The following SH3GL2 variants were observed in gnomAD, a reference collection of about 807,000 sequenced individuals.
SH3GL2 encodes the protein SH3 domain containing GRB2 like 2, endophilin A1.
A neutral mutation model predicts 46.0 loss-of-function variants in SH3GL2; 24 were observed. The ratio of observed to expected loss-of-function variants is 0.52; its 90% CI spans 0.38 to 0.73. SH3GL2 has a LOEUF of 0.73. Ranked by LOEUF, SH3GL2 falls within the 30% of genes least tolerant of loss-of-function variation. SH3GL2 has a pLI of 0.00. For synonymous variants in SH3GL2, 196 were observed against 147.1 expected (o/e 1.33, Z -2.40); for missense variants, 413 against 424.2 (o/e 0.97, Z 0.23).
At chr9:17,646,707 C>T (rs1819827087) in intron 1 of SH3GL2, among the ~76,000 whole-genome samples, 1 of 152,188 alleles carries the variant, frequency 6.6e-6, no homozygotes. Flanking sequence ...GCGGAGTCTG[C>T]AGAACAGCAA....
At chr9:17,656,327 C>G (rs368172866) in intron 1 of SH3GL2, among the ~76,000 whole-genome samples, 2 of 151,904 alleles carry the variant, frequency 1.3e-5, no homozygotes, top group African/African-American at 4.8e-5. Context: ...GATTAACCAA[C>G]TAATGTATCA....
chr9:17,682,841 T>G (rs1563810612), intron 1 of SH3GL2, among the ~76,000 whole-genome samples: 1 of 152,126 alleles, frequency 6.6e-6, no homozygotes, highest in Non-Finnish European at 1.5e-5. Flanking sequence ...TAACATGATG[T>G]ATGTGTATTT....
rs1039148399 is a variant in SH3GL2 at position 17,719,088 on chromosome 9, G to A, written c.46-27978G>A. Among the ~76,000 whole-genome samples, 3 of 152,186 alleles carry A rather than the reference G, an allele frequency of 2.0e-5. No individual in the cohort carries two copies. The East Asian group carries it at 5.8e-4, about 29-fold the overall frequency. ...TCAGGGTAGCTGTCTGATCTTGAAT[G>A]GGTTACTTTTAAGCTCACTGCATAT... On this transcript the variant is annotated intron_variant, in intron 1 of 8. Coordinates refer to ENST00000380607, the MANE Select transcript of SH3GL2 (RefSeq NM_003026.5).
chr9:17,580,084 CTAA>C (rs1369580783), intron 1 of SH3GL2, among the ~76,000 whole-genome samples: 3 of 152,096 alleles, frequency 2.0e-5, no homozygotes, highest in African/African-American at 7.2e-5. Context: ...AATTTAGATT[CTAA>C]TAATTAAAAT....
At chr9:17,743,232 C>G (rs1305583311) in intron 1 of SH3GL2, among the ~76,000 whole-genome samples, 1 of 152,114 alleles carries the variant, frequency 6.6e-6, no homozygotes, top group Non-Finnish European at 1.5e-5. Flanking sequence ...GTTACATAGT[C>G]TGCTGTTAAA....
chr9:17,763,761 T>C (rs1260155276), intron 3 of SH3GL2, among the ~76,000 whole-genome samples: 1 of 152,092 alleles, frequency 6.6e-6, no homozygotes, highest in Non-Finnish European at 1.5e-5. Context: ...GGTCAGAGAA[T>C]TTAAGGAACT....
At chr9:17,600,378 C>G (rs770883117) in intron 1 of SH3GL2, among the ~76,000 whole-genome samples, 1 of 152,120 alleles carries the variant, frequency 6.6e-6, no homozygotes, top group Non-Finnish European at 1.5e-5. Context: ...AATGTAATGT[C>G]GAAGGGAGAA....
At chr9:17,588,611 G>C (rs1395957606) in intron 1 of SH3GL2, among the ~76,000 whole-genome samples, 2 of 152,098 alleles carry the variant, frequency 1.3e-5, no homozygotes, top group African/African-American at 4.8e-5. Context: ...AGGGAAAATA[G>C]GGATCTTAGA....
chr9:17,767,739 C>A (rs1310318564), intron 3 of SH3GL2, among the ~76,000 whole-genome samples: 1 of 151,978 alleles, frequency 6.6e-6, no homozygotes, highest in East Asian at 1.9e-4. Flanking sequence ...CACATCCTGG[C>A]AATGAAAAAT....
At position 17,695,014 on chromosome 9, in the gene SH3GL2, A is replaced by G. The variant is rs61161035; in HGVS notation, c.46-52052A>G. Among the ~76,000 whole-genome samples, 37 of 152,282 alleles carry G rather than the reference A, an allele frequency of 2.4e-4. 1 individual carries two copies. In the East Asian group the frequency reaches 5.0e-3, roughly 21 times the overall value. On this transcript the variant is annotated intron_variant, in intron 1 of 8. Transcript: ENST00000380607. ...TTTCACTAGACATGAATAAATCATT[A>G]TGAAAGAATATAAAAATAGCCAGAG...
At chr9:17,731,768 C>T (rs753679113) in intron 1 of SH3GL2, among the ~76,000 whole-genome samples, 65 of 152,122 alleles carry the variant, frequency 4.3e-4, no homozygotes, top group Non-Finnish European at 6.0e-4. Context: ...CTGGCTTTTG[C>T]CAGTGTCTTC....
chr9:17,787,555 A>G (rs775036538), intron 5 of SH3GL2, 42 bp downstream of exon 5: 2 of 1,553,348 alleles, frequency 1.3e-6, no homozygotes, highest in Admixed American at 1.7e-5. Context: ...AGTTGAAATC[A>G]TACAGATGCA....
chr9:17,698,491 T>C (rs935310536), intron 1 of SH3GL2, among the ~76,000 whole-genome samples: 5 of 152,202 alleles, frequency 3.3e-5, no homozygotes, highest in African/African-American at 9.7e-5. Context: ...TTTAAATCTG[T>C]GTGAATATGT....
chr9:17,758,162 C>T (rs376451661), intron 2 of SH3GL2, among the ~76,000 whole-genome samples: 49 of 152,286 alleles, frequency 3.2e-4, no homozygotes, highest in Middle Eastern at 6.8e-3. Context: ...CCTTTCCCTT[C>T]TCTAGGCCAC....
intron 1 of SH3GL2, among the ~76,000 whole-genome samples, chr9:17,707,192 T>TGTGG (rs1821493210): frequency 6.6e-6 from 1 of 152,036 alleles, no homozygotes; most frequent in African/African-American, 2.4e-5. Context: ...GACTCTCTGA[T>TGTGG]TCTCCATTTC....
intron 1 of SH3GL2, among the ~76,000 whole-genome samples, chr9:17,581,736 T>G (rs987236372): frequency 6.6e-6 from 1 of 152,192 alleles, no homozygotes; most frequent in Non-Finnish European, 1.5e-5. Flanking sequence ...TTGACTCTTG[T>G]CGCCCAGGCA....
intron 1 of SH3GL2, among the ~76,000 whole-genome samples, chr9:17,745,690 C>A (rs951809352): frequency 6.6e-6 from 1 of 151,988 alleles, no homozygotes; most frequent in East Asian, 1.9e-4. Context: ...CAGCTCAGGT[C>A]CCCCAACAAG....
rs984892242 is a variant in SH3GL2, at chr9:17,733,529, A to C, written c.46-13537A>C. The stretch of plus-strand genomic sequence containing the variant: ...ACTTTTACACTGTTGGTGGGACTGT[A>C]AACTAGTTCAACCATTGTGGAAGTC... On this transcript the variant is annotated intron_variant, in intron 1 of 8. Coordinates refer to ENST00000380607, the MANE Select transcript of SH3GL2 (RefSeq NM_003026.5). Among the ~76,000 whole-genome samples, 27 of 151,046 alleles carry C rather than the reference A, an allele frequency of 1.8e-4. 1 individual carries two copies. In the Admixed American group the frequency reaches 1.8e-3, roughly 10 times the overall value.
intron 1 of SH3GL2, among the ~76,000 whole-genome samples, chr9:17,682,321 A>G (rs1419557939): frequency 6.6e-6 from 1 of 152,196 alleles, no homozygotes; most frequent in African/African-American, 2.4e-5. Context: ...AATGCCCATC[A>G]GTGGTAGACT....
Sources: allele counts gnomAD v4.1 joint callset (sites outside exome capture counted in the v4.1 genomes callset), GRCh38; gene constraint gnomAD v4.1.1; transcripts MANE v1.5; gene names NCBI Gene and HGNC (gene_info 2026-07-23, HGNC 2026-07-21).